The following STK31 variants were observed in gnomAD, a reference collection of about 807,000 sequenced individuals.
STK31 encodes serine/threonine kinase 31.
A neutral mutation model predicts 129.7 loss-of-function variants in STK31; 89 were observed. The ratio of observed to expected loss-of-function variants is 0.69; its 90% CI spans 0.58 to 0.82. The LOEUF (loss-of-function observed/expected upper bound fraction) is 0.82, where lower values mean the gene tolerates loss of function less well. STK31 is among the 40% of genes least tolerant of loss of function. STK31 has a pLI of 0.00. For missense variants in STK31, 1,187 were observed against 1,176.4 expected (o/e 1.01, Z -0.13); for synonymous variants, 448 against 395.3 (o/e 1.13, Z -1.58).
intron 4 of STK31, among the ~76,000 whole-genome samples, chr7:23,727,016 C>T (rs1475721864): frequency 1.3e-5 from 2 of 152,046 alleles, no homozygotes; most frequent in African/African-American, 4.8e-5. Flanking sequence ...GCATAATGAA[C>T]TCTGAAGTCA....
intron 23 of STK31, among the ~76,000 whole-genome samples, chr7:23,824,524 T>C (rs897583769): frequency 1.3e-5 from 2 of 152,180 alleles, no homozygotes; most frequent in African/African-American, 2.4e-5. Context: ...TTTCTAGATA[T>C]ACAATCATGT....
At chr7:23,797,961 G>A (rs2193830) in intron 22 of STK31, among the ~76,000 whole-genome samples, 83,957 of 151,600 alleles carry the variant, frequency 0.55, 23,480 homozygotes, top group East Asian at 0.61. Context: ...GTCACAGAAT[G>A]CAATAAACAC....
intron 22 of STK31, among the ~76,000 whole-genome samples, chr7:23,808,970 T>TGTGTGTGTGCGCGC (rs60631283): frequency 7.2e-6 from 1 of 139,556 alleles, no homozygotes; most frequent in African/African-American, 2.7e-5. Context: ...TGTGTGTGTG[T>TGTGTGTGTGCGCGC]GCCTGTGTCT....
At chr7:23,710,383 C>T (rs373432339) in intron 1 of STK31, 48 bp downstream of exon 1, 1 of 1,612,818 alleles carries the variant, frequency 6.2e-7, no homozygotes, top group African/African-American at 1.3e-5. Flanking sequence ...GCTTCAAGGA[C>T]TATTTTCGTC....
At chr7:23,716,924 A>G (rs1394927323) in intron 3 of STK31, among the ~76,000 whole-genome samples, 3 of 148,412 alleles carry the variant, frequency 2.0e-5, no homozygotes, top group Admixed American at 6.9e-5. Flanking sequence ...CTTCCTGTGT[A>G]GTTGGAACTA....
intron 6 of STK31, among the ~76,000 whole-genome samples, chr7:23,733,943 C>T (rs1209177742): frequency 6.6e-6 from 1 of 152,012 alleles, no homozygotes; most frequent in Admixed American, 6.6e-5. Context: ...GCCCCATGGC[C>T]ACAAAAAGGT....
upstream of STK31, chr7:23,710,185 A>C (rs1785835268): frequency 2.5e-6 from 4 of 1,589,362 alleles, no homozygotes; most frequent in Middle Eastern, 2.2e-4. Context: ...ATGATGGCGC[A>C]GCGCTGTGCA....
chr7:23,710,202 C>G, upstream of STK31: 1 of 1,605,628 alleles, frequency 6.2e-7, no homozygotes, highest in Non-Finnish European at 8.5e-7. Flanking sequence ...TGCACGCAGG[C>G]GCAGTGTGGG....
chr7:23,785,454 A>G lies in STK31; in HGVS notation c.2149-24A>G, dbSNP rs770995932. 3 of 1,608,948 alleles carry G rather than the reference A, an allele frequency of 1.9e-6. 1 individual carries two copies. In the South Asian group the frequency reaches 3.3e-5, roughly 18 times the overall value. On this transcript the variant is annotated intron_variant, in intron 17 of 23. Coordinates refer to ENST00000355870, the MANE Select transcript of STK31 (RefSeq NM_031414.5). ...GTGCTGGGATTGTTTGGATTCTTTAACTGTGATAAAAACTTGTGCCTAGAA... is the reference window on the plus strand; with the variant it reads ...GTGCTGGGATTGTTTGGATTCTTTAGCTGTGATAAAAACTTGTGCCTAGAA...
At chr7:23,710,802 A>G (rs1011532138) in intron 1 of STK31, 5 of 1,010,728 alleles carry the variant, frequency 4.9e-6, no homozygotes, top group African/African-American at 3.4e-5. Flanking sequence ...TTTAAAAACT[A>G]CTCTAGAAGT....
At chr7:23,725,992 A>G (rs546045910) in intron 4 of STK31, 2 of 152,360 alleles carry the variant, frequency 1.3e-5, no homozygotes, top group South Asian at 4.1e-4. Flanking sequence ...TTCAACAACC[A>G]GTTCTCTTAG....
At chr7:23,742,727 T>C (rs1788123382) in intron 8 of STK31, among the ~76,000 whole-genome samples, 1 of 152,152 alleles carries the variant, frequency 6.6e-6, no homozygotes, top group Admixed American at 6.5e-5. Context: ...TTCTCTCTCT[T>C]CTCTGGTGAA....
rs1791560397 is a variant in STK31, at chr7:23,790,643, AATTT to A, written c.2638-177_2638-174del. ...GAATGTAAAAAAAAGTCCCATAGTTAATTTATTAGACTGATTTTAAGAGCAATTT... is the reference window on the plus strand; with the variant it reads ...GAATGTAAAAAAAAGTCCCATAGTTAATTAGACTGATTTTAAGAGCAATTT... On this transcript the variant is annotated intron_variant, in intron 21 of 23. Coordinates refer to ENST00000355870, the MANE Select transcript of STK31 (RefSeq NM_031414.5). 5.9e-5 allele frequency among the ~76,000 whole-genome samples: 9 copies of A among 152,278 alleles called. No individual in the cohort carries two copies. The South Asian group carries it at 1.9e-3, about 32-fold the overall frequency.
intron 23 of STK31, among the ~76,000 whole-genome samples, chr7:23,823,629 T>C (rs1793926862): frequency 6.6e-6 from 1 of 152,256 alleles, no homozygotes; most frequent in Non-Finnish European, 1.5e-5. Context: ...ATTTTGACTT[T>C]TGTTGCCATT....
chr7:23,805,510 A>G (rs1408523618), intron 22 of STK31, among the ~76,000 whole-genome samples: 10 of 151,832 alleles, frequency 6.6e-5, no homozygotes, highest in African/African-American at 2.2e-4. Flanking sequence ...TTGGAGATGG[A>G]GTTTTGCTCT....
intron 7 of STK31, among the ~76,000 whole-genome samples, chr7:23,736,330 G>A (rs969595436): frequency 2.6e-5 from 4 of 152,084 alleles, no homozygotes; most frequent in Non-Finnish European, 5.9e-5. Flanking sequence ...GTGAAAACTT[G>A]TGATGGAGTT....
At chr7:23,756,877 C>T (rs754981571) in intron 10 of STK31, among the ~76,000 whole-genome samples, 4 of 151,988 alleles carry the variant, frequency 2.6e-5, no homozygotes, top group South Asian at 2.1e-4. Context: ...TGATGTGCTG[C>T]GGGATTCGGT....
intron 22 of STK31, among the ~76,000 whole-genome samples, chr7:23,805,069 TTCTC>T (rs1319237794): frequency 6.8e-6 from 1 of 147,050 alleles, no homozygotes; most frequent in Non-Finnish European, 1.5e-5. Flanking sequence ...TCTTTCTCAT[TTCTC>T]TCTCTCTCTT....
intron 22 of STK31, among the ~76,000 whole-genome samples, chr7:23,797,842 T>C (rs918133101): frequency 2.0e-4 from 30 of 152,058 alleles, no homozygotes; most frequent in African/African-American, 5.3e-4. Flanking sequence ...TTGAAAAGAT[T>C]AACAAAATAG....
Sources: gnomAD v4.1 joint callset for allele counts (sites outside exome capture counted in the v4.1 genomes callset) on GRCh38, gnomAD v4.1.1 for gene constraint, MANE v1.5 for transcripts, NCBI Gene and HGNC (gene_info 2026-07-23, HGNC 2026-07-21) for gene names.